DLC1: variants seen among roughly 807,000 people sequenced by gnomAD.
The protein encoded by DLC1 is DLC1 Rho GTPase activating protein, also known as rho GTPase-activating protein 7.
A neutral mutation model predicts 140.3 loss-of-function variants in DLC1; 54 were observed. The ratio of observed to expected loss-of-function variants is 0.38; its 90% CI spans 0.31 to 0.48. The LOEUF (loss-of-function observed/expected upper bound fraction) is 0.48, where lower values mean the gene tolerates loss of function less well. Ranked by LOEUF, DLC1 falls within the 20% of genes least tolerant of loss-of-function variation. The pLI, the probability that DLC1 is intolerant of heterozygous loss-of-function variation, is 0.96. For missense variants in DLC1, 2,536 were observed against 1,907.0 expected, an observed-to-expected ratio of 1.33 and a Z score of -6.14; for synonymous variants, 986 against 728.1, an observed-to-expected ratio of 1.35 and a Z score of -5.70.
chr8:13,516,488 A>G (rs1007253055), upstream of DLC1, among the ~76,000 whole-genome samples: 1 of 152,098 alleles, frequency 6.6e-6, no homozygotes, highest in Non-Finnish European at 1.5e-5. Context: ...TTTTTTCCTT[A>G]TTAGGTAGCT....
rs750569912 is a variant in DLC1 at position 13,098,589 on chromosome 8, G to C, written c.2991-14C>G. 28 of 1,608,676 alleles carry C rather than the reference G, an allele frequency of 1.7e-5. No individual in the cohort carries two copies. Among genetic ancestry groups the C allele is most frequent in the Non-Finnish European group, 2.4e-5 (28 of 1,177,840 alleles). On this transcript the variant is annotated splice_polypyrimidine_tract_variant and intron_variant, in intron 9 of 17. Transcript: ENST00000276297. ...CTCAGTCGGTGCCTGCGAGAGAAGAGGAGAGGAAAATGAGTGTGAAGCCTT... is the reference window on the plus strand; with the variant it reads ...CTCAGTCGGTGCCTGCGAGAGAAGACGAGAGGAAAATGAGTGTGAAGCCTT...
intron 4 of DLC1, chr8:13,341,512 G>A (rs73218526): frequency 0.14 from 20,928 of 152,150 alleles, 1,572 homozygotes; most frequent in South Asian, 0.23. Flanking sequence ...ACAGTTCCTC[G>A]AATACGCTGC....
At chr8:13,198,960 G>A (rs922888286) in intron 5 of DLC1, among the ~76,000 whole-genome samples, 6 of 151,906 alleles carry the variant, frequency 3.9e-5, no homozygotes, top group Admixed American at 2.0e-4. Flanking sequence ...CAGGTGGTGT[G>A]CCCGCCTTGG....
chr8:13,229,663 G>A (rs928143744), intron 5 of DLC1, among the ~76,000 whole-genome samples: 4 of 151,918 alleles, frequency 2.6e-5, no homozygotes, highest in Non-Finnish European at 5.9e-5. Flanking sequence ...GAGAGAGAGA[G>A]AGAAGAGAGA....
chr8:13,393,203 C>T lies in DLC1; in HGVS notation c.1314+350G>A, dbSNP rs564122552. Reference sequence around the variant, plus strand: ...TATCATTCATCACATCTTAGAGGAACAATTTTCTAACTGGTAAGCAATACT... The same window carrying T: ...TATCATTCATCACATCTTAGAGGAATAATTTTCTAACTGGTAAGCAATACT... On this transcript the variant is annotated intron_variant, in intron 4 of 17. Transcript: ENST00000276297. 2.0e-5 allele frequency among the ~76,000 whole-genome samples: 3 copies of T among 152,156 alleles called. No individual in the cohort carries two copies. In the East Asian group the frequency reaches 5.8e-4, roughly 29 times the overall value.
At chr8:13,151,965 A>G (rs1823852555) in intron 5 of DLC1, among the ~76,000 whole-genome samples, 1 of 152,158 alleles carries the variant, frequency 6.6e-6, no homozygotes, top group Non-Finnish European at 1.5e-5. Context: ...GATCTCTGCG[A>G]TTTATTCCAT....
At chr8:13,506,722 T>C (rs1028801380) in intron 1 of DLC1, among the ~76,000 whole-genome samples, 11 of 151,810 alleles carry the variant, frequency 7.2e-5, no homozygotes, top group Admixed American at 6.6e-4. Context: ...TAGCATGTGC[T>C]TAGTCACTGT....
At chr8:13,340,747 C>G (rs1293962514) in intron 4 of DLC1, 1 of 152,194 alleles carries the variant, frequency 6.6e-6, no homozygotes, top group Non-Finnish European at 1.5e-5. Flanking sequence ...CTCTCCCAAA[C>G]TCAGTAACAA....
intron 5 of DLC1, among the ~76,000 whole-genome samples, chr8:13,256,279 A>G (rs185798791): frequency 3.1e-3 from 467 of 152,376 alleles, no homozygotes; most frequent in Non-Finnish European, 5.3e-3. Context: ...AAGGTTTTAC[A>G]TAGACTAAAT....
chr8:13,575,093 T>C (rs1045082722), intron 1 of DLC1, among the ~76,000 whole-genome samples: 6 of 152,194 alleles, frequency 3.9e-5, no homozygotes, highest in Admixed American at 2.0e-4. Context: ...CCCTTTGGAA[T>C]AGAGAATTCA....
At chr8:13,344,250 T>C (rs1219894846) in intron 4 of DLC1, among the ~76,000 whole-genome samples, 1 of 152,198 alleles carries the variant, frequency 6.6e-6, no homozygotes, top group Non-Finnish European at 1.5e-5. Flanking sequence ...TCCCAGCACT[T>C]TGGGAGGCTG....
intron 5 of DLC1, among the ~76,000 whole-genome samples, chr8:13,296,656 C>A (rs919518689): frequency 1.3e-5 from 2 of 152,060 alleles, no homozygotes; most frequent in Non-Finnish European, 2.9e-5. Context: ...TCTTGAGCAC[C>A]TACTCTGTGC....
chr8:13,400,158 A>G (rs1207513209), intron 3 of DLC1, among the ~76,000 whole-genome samples: 1 of 152,194 alleles, frequency 6.6e-6, no homozygotes, highest in East Asian at 1.9e-4. Context: ...AAGATCAAAA[A>G]GGAGTTTTGA....
At chr8:13,251,268 A>G (rs1829992491) in intron 5 of DLC1, among the ~76,000 whole-genome samples, 1 of 152,158 alleles carries the variant, frequency 6.6e-6, no homozygotes, top group Non-Finnish European at 1.5e-5. Context: ...ACACAGTAAC[A>G]TCGGGGTTAG....
At chr8:13,601,383 C>T in intron 1 of DLC1, among the ~76,000 whole-genome samples, 1 of 151,724 alleles carries the variant, frequency 6.6e-6, no homozygotes, top group East Asian at 1.9e-4. Flanking sequence ...CTCATTTAGT[C>T]TCATAAATAA....
intron 1 of DLC1, among the ~76,000 whole-genome samples, chr8:13,551,067 CACACACA>C: frequency 2.5e-5 from 1 of 39,254 alleles, no homozygotes; most frequent in African/African-American, 6.0e-5. Flanking sequence ...CACACACACA[CACACACA>C]CTTTTTTTTT....
chr8:13,604,503 T>C (rs537699450), intron 1 of DLC1: 3 of 152,194 alleles, frequency 2.0e-5, no homozygotes, highest in African/African-American at 7.2e-5. Flanking sequence ...TTATATATGA[T>C]ACAAAGTATA....
chr8:13,397,851 G>C (rs747851885), intron 3 of DLC1, among the ~76,000 whole-genome samples: 1 of 151,988 alleles, frequency 6.6e-6, no homozygotes, highest in Non-Finnish European at 1.5e-5. Context: ...ACAAGACCTT[G>C]GCCAGGTGTG....
At chr8:13,257,232 T>C (rs1292484500) in intron 5 of DLC1, among the ~76,000 whole-genome samples, 1 of 151,628 alleles carries the variant, frequency 6.6e-6, no homozygotes, top group Non-Finnish European at 1.5e-5. Flanking sequence ...AAAAAGGCAT[T>C]TGAAACCAAC....
Sources: gnomAD v4.1 joint callset for allele counts (sites outside exome capture counted in the v4.1 genomes callset) on GRCh38, gnomAD v4.1.1 for gene constraint, MANE v1.5 for transcripts, NCBI Gene and HGNC (gene_info 2026-07-23, HGNC 2026-07-21) for gene names.